The following PTPRZ1 variants were observed in gnomAD, a reference collection of about 807,000 sequenced individuals.
PTPRZ1 encodes protein tyrosine phosphatase receptor type Z1, also known as receptor-type tyrosine-protein phosphatase zeta.
A neutral mutation model predicts 214.1 loss-of-function variants in PTPRZ1; 82 were observed. The observed-to-expected ratio is 0.38, with a 90% CI of 0.32 to 0.46. PTPRZ1 has a LOEUF of 0.46. Among genes scored for constraint, PTPRZ1 ranks in the 20% least tolerant of loss-of-function variants. PTPRZ1 has a pLI of 1.00. For synonymous variants in PTPRZ1, 945 were observed against 987.9 expected (o/e 0.96, Z 0.81); for missense variants, 2,603 against 2,748.7 (o/e 0.95, Z 1.19).
chr7:122,013,683 A>T lies in PTPRZ1; in HGVS notation c.4637A>T (p.Asp1546Val), dbSNP rs1798754515. The T allele has an allele frequency of 8.1e-6, 13 of 1,614,220 alleles. No homozygotes were observed. Among genetic ancestry groups the T allele is most frequent in the Non-Finnish European group, 1.1e-5 (13 of 1,180,036 alleles). ...AAAGCATGGGCAGTTCTGACAAGTG[A>T]TGAAGAAAGTGGATCAGGGCAAGGT... The part of the protein sequence containing the change: ...ESKAWAVLTS[D>V]EESGSGQGTS... Residue 1546 changes from aspartate (D) to valine (V), a missense_variant, in exon 12 of 30, where the codon GAT (aspartate) becomes GTT (valine). Coordinates refer to ENST00000393386, the MANE Select transcript of PTPRZ1 (RefSeq NM_002851.3).
At chr7:121,955,947 A>C (rs1434671801) in intron 2 of PTPRZ1, among the ~76,000 whole-genome samples, 2 of 152,168 alleles carry the variant, frequency 1.3e-5, no homozygotes, top group African/African-American at 2.4e-5. Context: ...TCATCTTATA[A>C]TTTAAAGTGA....
At chr7:122,038,675 C>A (rs1028407232) in intron 18 of PTPRZ1, 80 bp from the exon 19 acceptor site, 6 of 1,351,022 alleles carry the variant, frequency 4.4e-6, no homozygotes, top group Non-Finnish European at 6.0e-6. Flanking sequence ...ATTATGCTGA[C>A]CTTAAAAACT....
chr7:121,890,108 T>C (rs1277488581), intron 1 of PTPRZ1, among the ~76,000 whole-genome samples: 3 of 152,210 alleles, frequency 2.0e-5, no homozygotes, highest in Non-Finnish European at 4.4e-5. Context: ...ATTCTCTACA[T>C]TGATAACTCC....
chr7:122,017,445 T>A (rs1798874572), intron 12 of PTPRZ1, among the ~76,000 whole-genome samples: 1 of 152,096 alleles, frequency 6.6e-6, no homozygotes, highest in Non-Finnish European at 1.5e-5. Flanking sequence ...AATCACACCT[T>A]TGAATTCCAT....
intron 2 of PTPRZ1, among the ~76,000 whole-genome samples, chr7:121,940,995 C>G (rs985432293): frequency 1.3e-5 from 2 of 152,172 alleles, no homozygotes; most frequent in African/African-American, 2.4e-5. Flanking sequence ...TCAAGTGAAG[C>G]CTTCTTTCCT....
intron 27 of PTPRZ1, 71 bp from the exon 28 acceptor site, chr7:122,058,729 G>C: frequency 7.2e-7 from 1 of 1,386,708 alleles, no homozygotes; most frequent in Non-Finnish European, 9.9e-7. Flanking sequence ...TGTAATTCCT[G>C]ATTTTCCTCA....
chr7:122,038,706 A>T, intron 18 of PTPRZ1, 49 bp from the exon 19 acceptor site: 1 of 1,580,890 alleles, frequency 6.3e-7, no homozygotes, highest in Non-Finnish European at 8.7e-7. Flanking sequence ...ACAGTTAAAG[A>T]TGACATATAA....
chr7:121,976,994 G>C (rs1797459127), intron 6 of PTPRZ1, 143 bp downstream of exon 6: 5 of 532,132 alleles, frequency 9.4e-6, no homozygotes, highest in Non-Finnish European at 1.6e-5. Context: ...TTCCACACTT[G>C]ATAATTTATA....
chr7:121,951,853 T>G (rs1796549789), intron 2 of PTPRZ1, among the ~76,000 whole-genome samples: 2 of 152,228 alleles, frequency 1.3e-5, no homozygotes, highest in African/African-American at 4.8e-5. Flanking sequence ...AAAGAGAAAC[T>G]ACTTAAATAT....
intron 1 of PTPRZ1, among the ~76,000 whole-genome samples, chr7:121,886,574 T>A (rs1794404779): frequency 6.6e-6 from 1 of 152,092 alleles, no homozygotes; most frequent in Non-Finnish European, 1.5e-5. Context: ...AGATATATAC[T>A]GTTCAATAAA....
At chr7:122,046,798 T>C (rs956689715) in intron 23 of PTPRZ1, among the ~76,000 whole-genome samples, 1 of 152,112 alleles carries the variant, frequency 6.6e-6, no homozygotes, top group Non-Finnish European at 1.5e-5. Context: ...TATTTGGCAG[T>C]TGGATACTGG....
chr7:122,059,034 C>T, intron 28 of PTPRZ1, 92 bp downstream of exon 28: 1 of 1,240,410 alleles, frequency 8.1e-7, no homozygotes, highest in Non-Finnish European at 1.1e-6. Context: ...ATGCTTTGGA[C>T]CCACTGTGAT....
intron 1 of PTPRZ1, among the ~76,000 whole-genome samples, chr7:121,884,192 C>G (rs958428276): frequency 6.6e-6 from 1 of 151,988 alleles, no homozygotes; most frequent in African/African-American, 2.4e-5. Flanking sequence ...TATTTGGTTA[C>G]TGTAAAGTTT....
rs533528799 is a variant in PTPRZ1, at chr7:121,895,759, G to A, written c.58+22202G>A. Among the ~76,000 whole-genome samples the A allele has an allele frequency of 3.9e-5, 6 of 152,264 alleles. No individual in the cohort carries two copies. In the South Asian group the frequency reaches 8.3e-4, roughly 21 times the overall value. On this transcript the variant is annotated intron_variant, in intron 1 of 29. Transcript: ENST00000393386. ...ACAGTCTGTACACTAAACCGGTTAGGAAAATAATTGTCAGTGAAATGCAAA... is the reference window on the plus strand; with the variant it reads ...ACAGTCTGTACACTAAACCGGTTAGAAAAATAATTGTCAGTGAAATGCAAA...
intron 11 of PTPRZ1, among the ~76,000 whole-genome samples, chr7:122,004,966 T>C (rs926804480): frequency 1.1e-4 from 16 of 152,018 alleles, no homozygotes; most frequent in Non-Finnish European, 1.2e-4. Flanking sequence ...AAACTGGAAT[T>C]TTTTTAGTCT....
rs748350853 is a variant in PTPRZ1 at position 122,012,197 on chromosome 7, G to A, written c.3151G>A (p.Glu1051Lys). ...LSKSEIIYGN[E>K]TELQIPSFNE... ...TAAAAGTGAAATAATATATGGAAAT[G>A]AGACTGAACTGCAAATTCCTTCTTT... The change falls in exon 12 of 30, where the codon GAG becomes AAG. Residue 1051 changes from glutamate (E) to lysine (K), a missense_variant. Physicochemically the swap from Glu to Lys is moderately conservative, Grantham distance 56. Coordinates refer to ENST00000393386, the MANE Select transcript of PTPRZ1 (RefSeq NM_002851.3). 2 of 1,613,894 alleles carry A rather than the reference G, an allele frequency of 1.2e-6. No individual in the cohort carries two copies.
chr7:121,892,701 T>TC (rs1394647405), intron 1 of PTPRZ1, among the ~76,000 whole-genome samples: 3 of 135,872 alleles, frequency 2.2e-5, no homozygotes, highest in South Asian at 2.3e-4. Context: ...TATATATATA[T>TC]ATATATATAT....
Position 121,972,595 on chromosome 7 carries a change from T to A in PTPRZ1, c.359T>A (p.Val120Glu), listed in dbSNP as rs774089690. The A allele has an allele frequency of 6.2e-7, 1 of 1,613,588 alleles. No individual in the cohort carries two copies. The highest frequency in any genetic ancestry group is 2.2e-5 in the East Asian group (1 of 44,814). ...YRVSGGVSEM[V>E]FKASKITFHW... ...GTCAGCGGAGGAGTTTCAGAAATGG[T>A]GTTTAAAGCAAGCAAGATAACTTTT... is the stretch of plus-strand genomic sequence containing the variant. The change falls in exon 4 of 30, where the codon GTG (valine) becomes GAG (glutamate). Residue 120 changes from valine to glutamate, a missense_variant. Coordinates refer to ENST00000393386, the MANE Select transcript of PTPRZ1 (RefSeq NM_002851.3).
chr7:122,047,022 G>A (rs911292541), intron 23 of PTPRZ1, among the ~76,000 whole-genome samples: 1 of 152,212 alleles, frequency 6.6e-6, no homozygotes, highest in Admixed American at 6.5e-5. Context: ...CAGAAGGTAG[G>A]AGAAAATTCG....
Sources: gnomAD v4.1 joint callset for allele counts (sites outside exome capture counted in the v4.1 genomes callset) on GRCh38, gnomAD v4.1.1 for gene constraint, MANE v1.5 for transcripts, NCBI Gene and HGNC (gene_info 2026-07-23, HGNC 2026-07-21) for gene names.